The following NUP98 variants were observed in gnomAD, a reference collection of about 807,000 sequenced individuals.
NUP98 encodes the protein nucleoporin 98 and 96 precursor.
A neutral mutation model predicts 191.9 loss-of-function variants in NUP98; 26 were observed. The observed-to-expected ratio is 0.14, with a 90% CI of 0.10 to 0.19. The LOEUF is 0.19. Among genes scored for constraint, NUP98 ranks in the 10% least tolerant of loss-of-function variants. The pLI, the probability that NUP98 is intolerant of heterozygous loss-of-function variation, is 1.00. For synonymous variants in NUP98, 808 were observed against 778.4 expected, an observed-to-expected ratio of 1.04 and a Z score of -0.63; for missense variants, 1,941 against 2,178.8, an observed-to-expected ratio of 0.89 and a Z score of 2.17.
intron 1 of NUP98, among the ~76,000 whole-genome samples, chr11:3,792,938 C>T (rs1400344844): frequency 1.3e-5 from 2 of 151,932 alleles, no homozygotes; most frequent in Non-Finnish European, 2.9e-5. Flanking sequence ...GGCGAAACCC[C>T]GTCTCTACTA....
chr11:3,720,832 C>CAAAAAAAAAAAAA lies in NUP98; in HGVS notation c.2147-20_2147-8dup, dbSNP rs55821497. On this transcript the variant is annotated splice_polypyrimidine_tract_variant and splice_region_variant and intron_variant, in intron 16 of 32. Transcript: ENST00000324932. The stretch of plus-strand genomic sequence containing the variant: ...ACCTTAGTGAGAATAATACCTGTGA[C>CAAAAAAAAAAAAA]AAAAAAAAAAAAAAAAACAGAAAAA... 8 of 376,210 alleles carry CAAAAAAAAAAAAA rather than the reference C, an allele frequency of 2.1e-5. No homozygotes were observed. Among genetic ancestry groups the CAAAAAAAAAAAAA allele is most frequent in the South Asian group, 1.4e-4 (3 of 22,214 alleles). 23.3% of individuals were successfully genotyped at this position (376,210 alleles called of 1,614,324 possible). A position where few individuals can be genotyped will look rare whatever the true frequency, so the allele number is the denominator to read the frequency against.
chr11:3,766,688 T>TA (rs1288017529), intron 8 of NUP98, among the ~76,000 whole-genome samples: 9 of 76,394 alleles, frequency 1.2e-4, no homozygotes, highest in African/African-American at 5.9e-4. Flanking sequence ...AAACTCCGTC[T>TA]CAAAAAAAAA....
intron 6 of NUP98, among the ~76,000 whole-genome samples, chr11:3,772,610 T>C (rs1369597234): frequency 6.6e-6 from 1 of 150,718 alleles, no homozygotes; most frequent in East Asian, 2.0e-4. Context: ...AAGGCCAGGG[T>C]TCAAGAACAG....
chr11:3,774,019 T>C lies in NUP98; in HGVS notation c.496-280A>G, dbSNP rs1028021818. Among the ~76,000 whole-genome samples the C allele has an allele frequency of 6.6e-5, 10 of 152,172 alleles. No homozygotes were observed. The East Asian group carries it at 1.7e-3, about 26-fold the overall frequency. ...ACATGGTAAAATACATGTAATATTA[T>C]GCATAAAGAAAGCTTTACCCAATAT... On this transcript the variant is annotated intron_variant, in intron 5 of 32. Coordinates refer to ENST00000324932, the MANE Select transcript of NUP98 (RefSeq NM_016320.5).
In NUP98 at chr11:3,746,269, C is replaced by CAAAAAAAAA; in HGVS notation, c.1268-1629_1268-1621dup. Among the ~76,000 whole-genome samples, 2 of 33,940 alleles carry CAAAAAAAAA rather than the reference C, an allele frequency of 5.9e-5. 1 individual carries two copies. Among genetic ancestry groups the CAAAAAAAAA allele is most frequent in the Non-Finnish European group, 1.1e-4 (2 of 18,374 alleles). The allele number at this position is 33,940 out of a possible 152,430, so 22.3% of individuals were successfully genotyped here. On this transcript the variant is annotated intron_variant, in intron 11 of 32. Transcript: ENST00000324932. ...GGGCAACAAGAGCAAAACTTTATCT[C>CAAAAAAAAA]AAAAAAAAAAAAAAAAAAAAAAAAA...
intron 30 of NUP98, among the ~76,000 whole-genome samples, chr11:3,681,096 C>G (rs1489668530): frequency 6.6e-6 from 1 of 152,132 alleles, no homozygotes; most frequent in Non-Finnish European, 1.5e-5. Flanking sequence ...AAGGAGTTCA[C>G]TGGCATGGTC....
Position 3,676,260 on chromosome 11 carries a change from G to A in NUP98, c.5302C>T (p.Pro1768Ser). ...GGCATGGGAAGCCGGCCAATGTGGGGAGCCAAGAGGCGCAAAGGGACTCGC... is the reference window on the plus strand; with the variant it reads ...GGCATGGGAAGCCGGCCAATGTGGGAAGCCAAGAGGCGCAAAGGGACTCGC... ...PQRVPLRLLA[P>S]HIGRLPMPED... The change falls in exon 33 of 33, where the codon CCC becomes TCC. Residue 1768 changes from proline to serine, a missense_variant. Around this residue, in one of 6 missense-constraint regions of NUP98, gnomAD observed 1,030 missense variants for 1,115.8 expected, o/e 0.92. Transcript: ENST00000324932. The A allele has an allele frequency of 2.5e-6, 4 of 1,614,212 alleles. No homozygotes were observed. The highest frequency in any genetic ancestry group is 3.4e-6 in the Non-Finnish European group (4 of 1,180,046).
chr11:3,776,872 G>A (rs950799738), intron 4 of NUP98, among the ~76,000 whole-genome samples: 9 of 152,100 alleles, frequency 5.9e-5, no homozygotes, highest in African/African-American at 2.2e-4. Context: ...CCTTTGGTCA[G>A]CTAAGTGTCC....
rs952773761 is a variant in NUP98 at position 3,710,673 on chromosome 11, C to G, written c.2742+1891G>C. Among the ~76,000 whole-genome samples, 12 of 152,104 alleles carry G rather than the reference C, an allele frequency of 7.9e-5. No homozygotes were observed. In the South Asian group the frequency reaches 2.5e-3, roughly 32 times the overall value. Reference sequence around the variant, plus strand: ...ATACTCAAACGGCACAAGTAGTTTCCCCATGCAAAGTAAAATGTAGGGTCT... The same window carrying G: ...ATACTCAAACGGCACAAGTAGTTTCGCCATGCAAAGTAAAATGTAGGGTCT... On this transcript the variant is annotated intron_variant, in intron 20 of 32. Coordinates refer to ENST00000324932, the MANE Select transcript of NUP98 (RefSeq NM_016320.5).
intron 5 of NUP98, among the ~76,000 whole-genome samples, chr11:3,775,355 C>T (rs949428340): frequency 3.3e-5 from 5 of 151,926 alleles, no homozygotes; most frequent in African/African-American, 7.3e-5. Flanking sequence ...CATGGTGAAA[C>T]GCCATCTCTA....
intron 9 of NUP98, 104 bp downstream of exon 9, chr11:3,762,798 T>G (rs2081217000): frequency 1.6e-6 from 2 of 1,216,728 alleles, no homozygotes; most frequent in Non-Finnish European, 2.3e-6. Flanking sequence ...GGTGCAATAA[T>G]ACACCCAATA....
chr11:3,690,416 C>T (rs532554670), intron 28 of NUP98, among the ~76,000 whole-genome samples: 9 of 152,220 alleles, frequency 5.9e-5, no homozygotes, highest in Admixed American at 1.3e-4. Flanking sequence ...CCCGCCACCA[C>T]GTCCAGATAA....
At chr11:3,786,103 G>T (rs146962927) in intron 1 of NUP98, among the ~76,000 whole-genome samples, 1 of 152,216 alleles carries the variant, frequency 6.6e-6, no homozygotes, top group South Asian at 2.1e-4. Flanking sequence ...TTACAAGGAA[G>T]AAATTAAGGC....
chr11:3,778,216 A>AG (rs1304508402), intron 4 of NUP98, among the ~76,000 whole-genome samples: 1 of 148,314 alleles, frequency 6.7e-6, no homozygotes, highest in Non-Finnish European at 1.5e-5. Context: ...AAAAAAAAAA[A>AG]AAAAGAAAGA....
chr11:3,686,028 T>G lies in NUP98; in HGVS notation c.4621A>C (p.Ser1541Arg). 1 of 1,614,210 alleles carries G rather than the reference T, an allele frequency of 6.2e-7. No homozygotes were observed. Among genetic ancestry groups the G allele is most frequent in the South Asian group, 1.1e-5 (1 of 91,082 alleles). ...ATGGCCCACTCCCAGAGCCCCTCAC[T>G]TTCAAGCTGGCCAGCGTAACTGGCC... is the stretch of plus-strand genomic sequence containing the variant. ...LQASYAGQLESEGLWEWAIFV... is the reference protein window; with the variant it reads ...LQASYAGQLEREGLWEWAIFV... The change falls in exon 29 of 33, where the codon AGT becomes CGT. Residue 1541 changes from serine to arginine, a missense_variant. Transcript: ENST00000324932.
At chr11:3,728,830 G>A (rs536352764) in intron 14 of NUP98, among the ~76,000 whole-genome samples, 67 of 152,278 alleles carry the variant, frequency 4.4e-4, no homozygotes, top group African/African-American at 1.4e-3. Context: ...TTGCACTAGG[G>A]TAATAGCAAT....
At chr11:3,711,800 C>A in intron 20 of NUP98, 2 of 986,248 alleles carry the variant, frequency 2.0e-6, no homozygotes, top group Admixed American at 5.7e-5. Flanking sequence ...CTCCCCTGTA[C>A]GCGCAAACAT....
At chr11:3,690,495 C>T (rs187506526) in intron 28 of NUP98, among the ~76,000 whole-genome samples, 22 of 149,044 alleles carry the variant, frequency 1.5e-4, no homozygotes, top group African/African-American at 3.2e-4. Flanking sequence ...CTCCTGACCT[C>T]GTGATCCGCA....
At chr11:3,777,938 C>T (rs1348170260) in intron 4 of NUP98, among the ~76,000 whole-genome samples, 2 of 152,032 alleles carry the variant, frequency 1.3e-5, no homozygotes, top group African/African-American at 2.4e-5. Flanking sequence ...GTGGCTCACA[C>T]CTGTAATCCT....
Sources: gnomAD v4.1 joint callset for allele counts (sites outside exome capture counted in the v4.1 genomes callset) on GRCh38, gnomAD v4.1.1 for gene constraint, gnomAD v4.1.1 regional missense constraint, MANE v1.5 for transcripts, NCBI Gene and HGNC (gene_info 2026-07-23, HGNC 2026-07-21) for gene names.